Variants in CSN1S1 observed in about 807,000 individuals in gnomAD.
The protein encoded by CSN1S1 is alpha-S1-casein.
In CSN1S1, 63 loss-of-function variants were observed where a neutral mutation model predicts 49.1. That is an observed-to-expected ratio of 1.28 (90% CI 1.05 to 1.58). CSN1S1 has a LOEUF of 1.58. Among genes scored for constraint, CSN1S1 ranks in the 40% most tolerant of loss-of-function variants. CSN1S1 has a pLI of 0.00. For missense variants in CSN1S1, 260 were observed against 224.7 expected (o/e 1.16, Z -1.01); for synonymous variants, 78 against 67.1 (o/e 1.16, Z -0.79).
rs757516831 is a variant in CSN1S1 at position 69,939,212 on chromosome 4, A to G, written c.276+4A>G. 3 of 1,590,640 alleles carry G rather than the reference A, an allele frequency of 1.9e-6. No individual in the cohort carries two copies. Among genetic ancestry groups the G allele is most frequent in the South Asian group, 2.3e-5 (2 of 88,562 alleles). ...CAGCATCAGTTCATCGAGTGAGGTA[A>G]ATAATTTTGATATTAATTCTGTGTC... is the stretch of plus-strand genomic sequence containing the variant. On this transcript the variant is annotated splice_donor_region_variant and intron_variant, in intron 10 of 15. Coordinates refer to ENST00000246891, the MANE Select transcript of CSN1S1 (RefSeq NM_001890.2).
At position 69,935,932 on chromosome 4, in the gene CSN1S1, C is replaced by G. The variant is rs1486734828; in HGVS notation, c.112C>G (p.Pro38Ala). Reference sequence around the variant, plus strand: ...ATAACTTTTTTTTTTGTAGCCTATACCATTAGAATCAAGAGAGGTAAGAAT... The same window carrying G: ...ATAACTTTTTTTTTTGTAGCCTATAGCATTAGAATCAAGAGAGGTAAGAAT... ...QNPSESSEPI[P>A]LESREEYMNG... Residue 38 changes from proline to alanine, a missense_variant, in exon 5 of 16, where the codon CCA becomes GCA. Transcript: ENST00000246891. The G allele has an allele frequency of 6.5e-7, 1 of 1,530,468 alleles. No individual in the cohort carries two copies. The highest frequency in any genetic ancestry group is 1.4e-5 in the African/African-American group (1 of 72,246). The allele number at this position is 1,530,468 out of a possible 1,614,324, so 94.8% of individuals were successfully genotyped here.
chr4:69,939,358 C>T (rs1578135154), intron 10 of CSN1S1, 150 bp downstream of exon 10: 2 of 436,362 alleles, frequency 4.6e-6, no homozygotes, highest in East Asian at 7.0e-5. Flanking sequence ...AGTAGCTATC[C>T]AAAAGAAGTA....
chr4:69,942,947 T>TA (rs5859205), intron 14 of CSN1S1, among the ~76,000 whole-genome samples: 6,603 of 143,402 alleles, frequency 0.046, 412 homozygotes, highest in African/African-American at 0.15. Flanking sequence ...ACATGCTAAT[T>TA]AAAAAAAAAA....
At chr4:69,932,628 G>C in intron 2 of CSN1S1, 22 bp downstream of exon 2, 1 of 1,574,250 alleles carries the variant, frequency 6.4e-7, no homozygotes, top group Non-Finnish European at 8.7e-7. Context: ...AGAGAATTTA[G>C]AAAGTCTTAG....
At chr4:69,940,832 TG>T (rs1398721783) in intron 11 of CSN1S1, among the ~76,000 whole-genome samples, 186 bp from the exon 12 acceptor site, 1 of 151,798 alleles carries the variant, frequency 6.6e-6, no homozygotes, top group Non-Finnish European at 1.5e-5. Flanking sequence ...CTTTTTAAAA[TG>T]TTTTTAAAAG....
At position 69,946,260 on chromosome 4, in the gene CSN1S1, G is replaced by A. The variant is rs1578139696; in HGVS notation, c.*64G>A. 19 of 460,196 alleles carry A rather than the reference G, an allele frequency of 4.1e-5. No individual in the cohort carries two copies. In the East Asian group the frequency reaches 6.1e-4, roughly 15 times the overall value. 28.5% of individuals were successfully genotyped at this position (460,196 alleles called of 1,614,324 possible). ...AGGAAAACCATCTTATCTGAAGACT[G>A]GACTGTTGTTTTAGAATAGTAAAAT... is the stretch of plus-strand genomic sequence containing the variant. On this transcript the variant is annotated 3_prime_UTR_variant, in exon 16 of 16. Transcript: ENST00000246891.
chr4:69,944,785 T>C lies in CSN1S1; in HGVS notation c.403-65T>C, dbSNP rs565778327. Reference sequence around the variant, plus strand: ...TGGAAATGAATGAGATGTATTGATATTTTTCAGGGACTGAAAAAAGCAATT... The same window carrying C: ...TGGAAATGAATGAGATGTATTGATACTTTTCAGGGACTGAAAAAAGCAATT... On this transcript the variant is annotated intron_variant, in intron 14 of 15. Transcript: ENST00000246891. The C allele has an allele frequency of 3.3e-5, 50 of 1,519,072 alleles. No homozygotes were observed. The East Asian group carries it at 1.0e-3, about 30-fold the overall frequency. The allele number at this position is 1,519,072 out of a possible 1,614,324, so 94.1% of individuals were successfully genotyped here.
chr4:69,935,128 A>G (rs981948816), intron 4 of CSN1S1, among the ~76,000 whole-genome samples: 1 of 152,118 alleles, frequency 6.6e-6, no homozygotes, highest in African/African-American at 2.4e-5. Context: ...TTTAATTTCA[A>G]TAAGAAATTA....
At chr4:69,944,773 G>A (rs1166090713) in intron 14 of CSN1S1, 77 bp from the exon 15 acceptor site, 4 of 1,399,426 alleles carry the variant, frequency 2.9e-6, no homozygotes, top group African/African-American at 1.4e-5. Flanking sequence ...AAATGAATGA[G>A]ATGTATTGAT....
intron 2 of CSN1S1, among the ~76,000 whole-genome samples, chr4:69,933,993 A>T (rs1371086337): frequency 6.6e-6 from 1 of 151,986 alleles, no homozygotes; most frequent in Non-Finnish European, 1.5e-5. Flanking sequence ...AAGAAAGGAA[A>T]TGATTATTTT....
intron 2 of CSN1S1, among the ~76,000 whole-genome samples, chr4:69,933,027 T>C (rs574883039): frequency 2.6e-5 from 4 of 151,930 alleles, no homozygotes; most frequent in Non-Finnish European, 5.9e-5. Flanking sequence ...CATGTTCCAA[T>C]GTATCCTACT....
rs532487691 is a variant in CSN1S1 at position 69,946,367 on chromosome 4, G to C, written c.*171G>C. 3.3e-6 allele frequency: 1 copy of C among 299,656 alleles called. No individual in the cohort carries two copies. The highest frequency in any genetic ancestry group is 5.2e-5 in the Admixed American group (1 of 19,100). 18.6% of individuals were successfully genotyped at this position (299,656 alleles called of 1,614,324 possible). A position where few individuals can be genotyped will look rare whatever the true frequency, so the allele number is the denominator to read the frequency against. On this transcript the variant is annotated 3_prime_UTR_variant, in exon 16 of 16. Coordinates refer to ENST00000246891, the MANE Select transcript of CSN1S1 (RefSeq NM_001890.2). ...TTTTCTTAAGCTAAATTTTCCTAGAGAGTTTATTGTCTAAATTTCAGTTGT... is the reference window on the plus strand; with the variant it reads ...TTTTCTTAAGCTAAATTTTCCTAGACAGTTTATTGTCTAAATTTCAGTTGT...
rs1193888980 is a variant in CSN1S1, at chr4:69,944,867, C to T, written c.420C>T (p.Asn140=). 3 of 1,612,608 alleles carry T rather than the reference C, an allele frequency of 1.9e-6. No homozygotes were observed. Among genetic ancestry groups the T allele is most frequent in the Admixed American group, 1.7e-5 (1 of 59,904 alleles). The part of the protein sequence containing the change: ...SHVQVPFQQL[N]QLAAYPYAVW... ...CCCTCTAGCCTTTCCAGCAGCTCAA[C>T]CAACTTGCTGCCTACCCCTATGCTG... Residue 140 remains asparagine (N), a synonymous_variant, in exon 15 of 16, where the codon AAC becomes AAT. Coordinates refer to ENST00000246891, the MANE Select transcript of CSN1S1 (RefSeq NM_001890.2).
At chr4:69,935,872 T>C in intron 4 of CSN1S1, 54 bp from the exon 5 acceptor site, 1 of 1,145,964 alleles carries the variant, frequency 8.7e-7, no homozygotes, top group East Asian at 2.6e-5. Flanking sequence ...ATCTAAATGA[T>C]TTGATAGATA....
At chr4:69,942,408 T>C in intron 13 of CSN1S1, 128 bp from the exon 14 acceptor site, 2 of 807,724 alleles carry the variant, frequency 2.5e-6, no homozygotes, top group Non-Finnish European at 3.9e-6. Flanking sequence ...TTTTGCTAAC[T>C]GTGGCATAGA....
intron 14 of CSN1S1, 80 bp from the exon 15 acceptor site, chr4:69,944,770 T>G (rs574716438): frequency 1.9e-4 from 260 of 1,371,080 alleles, no homozygotes; most frequent in Non-Finnish European, 2.5e-4. Context: ...TGGAAATGAA[T>G]GAGATGTATT....
chr4:69,936,523 T>C (rs780118146), intron 6 of CSN1S1, 43 bp from the exon 7 acceptor site: 22 of 1,600,530 alleles, frequency 1.4e-5, no homozygotes, highest in Non-Finnish European at 1.9e-5. Flanking sequence ...AAAGTTTGTT[T>C]TCATGAAAAC....
intron 10 of CSN1S1, among the ~76,000 whole-genome samples, chr4:69,939,411 C>G (rs900428168): frequency 8.6e-5 from 13 of 151,782 alleles, no homozygotes; most frequent in African/African-American, 3.1e-4. Flanking sequence ...AAAATTATTT[C>G]TGGGCAAACA....
In CSN1S1 at chr4:69,937,775, A is replaced by C. The variant is rs1440771141; in HGVS notation, c.220-25A>C. ...TTTGACTATTTGTCATGAAAAATGA[A>C]ATTGATTATTTTTTCTTTCTTAAGA... On this transcript the variant is annotated intron_variant, in intron 8 of 15. Coordinates refer to ENST00000246891, the MANE Select transcript of CSN1S1 (RefSeq NM_001890.2). 3 of 1,574,068 alleles carry C rather than the reference A, an allele frequency of 1.9e-6. No homozygotes were observed. In the South Asian group the frequency reaches 3.5e-5, roughly 19 times the overall value.
Sources: gnomAD v4.1 joint callset for allele counts (sites outside exome capture counted in the v4.1 genomes callset) on GRCh38, gnomAD v4.1.1 for gene constraint, MANE v1.5 for transcripts, NCBI Gene and HGNC (gene_info 2026-07-23, HGNC 2026-07-21) for gene names.